The following USP24 variants were observed in gnomAD, a reference collection of about 807,000 sequenced individuals.
The protein encoded by USP24 is ubiquitin specific peptidase 24.
Under a neutral mutation model 361.6 loss-of-function variants are expected in USP24, and 97 were observed. The ratio of observed to expected loss-of-function variants is 0.27; its 90% CI spans 0.23 to 0.32. The LOEUF (loss-of-function observed/expected upper bound fraction) is 0.32. Among genes scored for constraint, USP24 ranks in the 10% least tolerant of loss-of-function variants. The pLI is 1.00. For synonymous variants in USP24, 1,098 were observed against 1,124.6 expected (o/e 0.98, Z 0.47); for missense variants, 2,353 against 3,165.6 (o/e 0.74, Z 6.16).
intron 34 of USP24, among the ~76,000 whole-genome samples, chr1:55,124,933 C>T (rs1446226534): frequency 2.0e-5 from 3 of 152,192 alleles, no homozygotes; most frequent in Admixed American, 6.5e-5. Flanking sequence ...CTAGTTTGCA[C>T]ATGTGCTCCC....
chr1:55,071,780 C>A, intron 67 of USP24, 34 bp downstream of exon 67: 1 of 1,567,688 alleles, frequency 6.4e-7, no homozygotes. Context: ...AGCAAGGCTG[C>A]CCTTTGCACA....
At chr1:55,212,094 C>A (rs911365005) in intron 1 of USP24, among the ~76,000 whole-genome samples, 1 of 152,172 alleles carries the variant, frequency 6.6e-6, no homozygotes, top group Non-Finnish European at 1.5e-5. Flanking sequence ...CTTCTATTAA[C>A]TGACTCTGTG....
intron 38 of USP24, among the ~76,000 whole-genome samples, chr1:55,119,450 G>A (rs997107640): frequency 1.1e-4 from 16 of 152,208 alleles, no homozygotes; most frequent in Admixed American, 9.2e-4. Flanking sequence ...AATGAGTAGA[G>A]TTTCAGTTTA....
chr1:55,205,411 T>C (rs1644680207), intron 1 of USP24, among the ~76,000 whole-genome samples: 1 of 152,180 alleles, frequency 6.6e-6, no homozygotes. Context: ...CATTAAAGCT[T>C]CAACTGTGAC....
chr1:55,125,894 A>G (rs1348492641), intron 32 of USP24, 136 bp from the exon 33 acceptor site: 1 of 696,540 alleles, frequency 1.4e-6, no homozygotes, highest in South Asian at 2.1e-5. Flanking sequence ...GAGCCTACAT[A>G]TATCTATCAT....
At position 55,137,794 on chromosome 1, in the gene USP24, A is replaced by AT; in HGVS notation, c.3027+11dup. Reference sequence around the variant, plus strand: ...CATTTATTATTCATCAAAACTGCTTATTTAAACCTACCAGGCTATCATTTG... The same window carrying AT: ...CATTTATTATTCATCAAAACTGCTTATTTTAAACCTACCAGGCTATCATTTG... On this transcript the variant is annotated intron_variant, in intron 27 of 67. Coordinates refer to ENST00000294383, the MANE Select transcript of USP24 (RefSeq NM_015306.3). The AT allele has an allele frequency of 1.1e-5, 18 of 1,566,614 alleles. No individual in the cohort carries two copies. The highest frequency in any genetic ancestry group is 1.6e-5 in the Non-Finnish European group (18 of 1,155,056).
chr1:55,117,296 A>G lies in USP24; in HGVS notation c.4508+3300T>C, dbSNP rs575822343. Among the ~76,000 whole-genome samples, 6 of 152,356 alleles carry G rather than the reference A, an allele frequency of 3.9e-5. No homozygotes were observed. In the South Asian group the frequency reaches 1.0e-3, roughly 26 times the overall value. Reference sequence around the variant, plus strand: ...AAGGATGCCCACTTTTACCACTTCTATTCAACGTAGTATTGAAGGTTTCAG... The same window carrying G: ...AAGGATGCCCACTTTTACCACTTCTGTTCAACGTAGTATTGAAGGTTTCAG... On this transcript the variant is annotated intron_variant, in intron 38 of 67. Coordinates refer to ENST00000294383, the MANE Select transcript of USP24 (RefSeq NM_015306.3).
At chr1:55,130,881 A>G (rs889570980) in intron 31 of USP24, among the ~76,000 whole-genome samples, 13 of 152,186 alleles carry the variant, frequency 8.5e-5, no homozygotes, top group Admixed American at 8.5e-4. Flanking sequence ...AGCTTTTGGG[A>G]GTGTTAGGTT....
rs555063448 is a variant in USP24 at position 55,120,759 on chromosome 1, G to A, written c.4348-3C>T. ...TGATCACAGGCAACCCGGCGAATCTGAAATTACATGATCAGCAGCAAAGGA... is the reference window on the plus strand; with the variant it reads ...TGATCACAGGCAACCCGGCGAATCTAAAATTACATGATCAGCAGCAAAGGA... On this transcript the variant is annotated splice_region_variant and splice_polypyrimidine_tract_variant and intron_variant, in intron 37 of 67. Coordinates refer to ENST00000294383, the MANE Select transcript of USP24 (RefSeq NM_015306.3). 1.9e-6 allele frequency: 3 copies of A among 1,559,326 alleles called. No homozygotes were observed. The highest frequency in any genetic ancestry group is 2.7e-5 in the African/African-American group (2 of 73,530).
At chr1:55,160,641 G>A (rs1447796995) in intron 8 of USP24, among the ~76,000 whole-genome samples, 2 of 152,206 alleles carry the variant, frequency 1.3e-5, no homozygotes, top group African/African-American at 4.8e-5. Context: ...TTAAAATAAA[G>A]ATGAAGTCAG....
At chr1:55,180,586 G>C (rs1643937270) in intron 1 of USP24, among the ~76,000 whole-genome samples, 1 of 152,040 alleles carries the variant, frequency 6.6e-6, no homozygotes, top group South Asian at 2.1e-4. Context: ...AGAATCTACG[G>C]GCACAATCAA....
At chr1:55,171,900 A>G (rs1251838935) in intron 4 of USP24, among the ~76,000 whole-genome samples, 1 of 152,202 alleles carries the variant, frequency 6.6e-6, no homozygotes, top group East Asian at 1.9e-4. Context: ...AGGAGGAGGT[A>G]ACAGGATAAG....
chr1:55,082,841 A>G (rs777620728), intron 58 of USP24, among the ~76,000 whole-genome samples: 3 of 152,152 alleles, frequency 2.0e-5, no homozygotes, highest in Non-Finnish European at 4.4e-5. Flanking sequence ...CTTCCTTTTC[A>G]TTTGAACAAG....
Position 55,082,502 on chromosome 1 carries a change from T to C in USP24, c.6975+770A>G, listed in dbSNP as rs1485984084. Among the ~76,000 whole-genome samples, 4 of 152,242 alleles carry C rather than the reference T, an allele frequency of 2.6e-5. 1 individual carries two copies. The South Asian group carries it at 8.3e-4, about 32-fold the overall frequency. Reference sequence around the variant, plus strand: ...AATAAAGCAATTTCAAACAGGAGAGTTGGTTTTGGACATATTCAACACTAT... The same window carrying C: ...AATAAAGCAATTTCAAACAGGAGAGCTGGTTTTGGACATATTCAACACTAT... On this transcript the variant is annotated intron_variant, in intron 58 of 67. Transcript: ENST00000294383.
At chr1:55,097,905 AAATT>A (rs1368726888) in intron 47 of USP24, 34 bp downstream of exon 47, 2 of 1,568,386 alleles carry the variant, frequency 1.3e-6, no homozygotes, top group African/African-American at 1.4e-5. Context: ...TGCGAATAAC[AAATT>A]AATCTTGTTT....
chr1:55,132,320 G>T (rs1646616948), intron 31 of USP24, among the ~76,000 whole-genome samples: 1 of 152,114 alleles, frequency 6.6e-6, no homozygotes, highest in Non-Finnish European at 1.5e-5. Flanking sequence ...TCCAGTCTAT[G>T]GTGATTTGTT....
Position 55,157,256 on chromosome 1 carries a change from C to T in USP24, c.1342G>A (p.Gly448Ser). 1 of 1,586,518 alleles carries T rather than the reference C, an allele frequency of 6.3e-7. No individual in the cohort carries two copies. Among genetic ancestry groups the T allele is most frequent in the Non-Finnish European group, 8.6e-7 (1 of 1,169,118 alleles). ...ENSVLSIALE[G>S]NIDQAQYCDR... The stretch of plus-strand genomic sequence containing the variant: ...ATTTTTATTTTTGAAAGCAACTTAC[C>T]TTCCAGTGCAATCGACAGAACTGAG... Residue 448 changes from glycine (G) to serine (S), a missense_variant and splice_region_variant, in exon 11 of 68, where the codon GGC (glycine) becomes AGC (serine). This residue lies in a region of USP24 where 386 missense variants were observed against 560.5 expected (regional missense o/e 0.69). Transcript: ENST00000294383.
intron 60 of USP24, 84 bp from the exon 61 acceptor site, chr1:55,078,735 A>G: frequency 2.8e-6 from 3 of 1,068,558 alleles, no homozygotes; most frequent in Non-Finnish European, 4.0e-6. Context: ...ACTGAAATCT[A>G]CCCAGATTTT....
intron 1 of USP24, among the ~76,000 whole-genome samples, chr1:55,208,626 C>A (rs1434828231): frequency 1.3e-5 from 2 of 150,352 alleles, no homozygotes; most frequent in Non-Finnish European, 2.9e-5. Flanking sequence ...TACACTCTGT[C>A]TCAAAAAAAT....
Sources: gnomAD v4.1 joint callset for allele counts (sites outside exome capture counted in the v4.1 genomes callset) on GRCh38, gnomAD v4.1.1 for gene constraint, gnomAD v4.1.1 regional missense constraint, MANE v1.5 for transcripts, NCBI Gene and HGNC (gene_info 2026-07-23, HGNC 2026-07-21) for gene names.